SFMBT2: variants seen among roughly 807,000 people sequenced by gnomAD.
The protein encoded by SFMBT2 is scm-like with four MBT domains protein 2.
A neutral mutation model predicts 110.1 loss-of-function variants in SFMBT2; 38 were observed. The ratio of observed to expected loss-of-function variants is 0.35; its 90% CI spans 0.27 to 0.45. The LOEUF is 0.45. Ranked by LOEUF, SFMBT2 falls within the 20% of genes least tolerant of loss-of-function variation. SFMBT2 has a pLI of 1.00. For missense variants in SFMBT2, 1,011 were observed against 1,094.9 expected (o/e 0.92, Z 1.08); for synonymous variants, 425 against 425.4 (o/e 1.00, Z 0.01).
chr10:7,271,204 C>T (rs2767701), intron 7 of SFMBT2, among the ~76,000 whole-genome samples: 4 of 146,166 alleles, frequency 2.7e-5, no homozygotes, highest in Non-Finnish European at 5.9e-5. Flanking sequence ...AGGAGAATCT[C>T]TTGAACCCAG....
intron 11 of SFMBT2, among the ~76,000 whole-genome samples, chr10:7,217,486 C>T (rs914112640): frequency 6.6e-6 from 1 of 152,032 alleles, no homozygotes; most frequent in Admixed American, 6.5e-5. Flanking sequence ...AAGTGGCGCG[C>T]ATGTATATAT....
chr10:7,160,863 CAGA>C lies in SFMBT2; in HGVS notation c.*2904_*2906del, dbSNP rs1446792757. 6.6e-6 allele frequency: 1 copy of C among 152,286 alleles called. No individual in the cohort carries two copies. The highest frequency in any genetic ancestry group is 1.9e-4 in the East Asian group (1 of 5,198). The allele number at this position is 152,286 out of a possible 1,614,324, so 9.4% of individuals were successfully genotyped here. A position where few individuals can be genotyped will look rare whatever the true frequency, so the allele number is the denominator to read the frequency against. On this transcript the variant is annotated 3_prime_UTR_variant, in exon 21 of 21. Coordinates refer to ENST00000397167, the MANE Select transcript of SFMBT2 (RefSeq NM_001387889.1). ...CGGAAATCCCCGGAGAATCCAGGCT[CAGA>C]AGGACACTGGCAACAGCTGGAGGAA...
chr10:7,343,777 T>C (rs1844007027), intron 4 of SFMBT2, among the ~76,000 whole-genome samples: 1 of 152,154 alleles, frequency 6.6e-6, no homozygotes, highest in South Asian at 2.1e-4. Context: ...TGGAATAAGG[T>C]GATGGTTCTA....
intron 9 of SFMBT2, among the ~76,000 whole-genome samples, chr10:7,231,405 G>A (rs979491237): frequency 6.6e-6 from 1 of 152,216 alleles, no homozygotes; most frequent in Non-Finnish European, 1.5e-5. Flanking sequence ...TTCTGACACA[G>A]CCTGGCATGT....
intron 4 of SFMBT2, among the ~76,000 whole-genome samples, chr10:7,295,934 T>C (rs900370678): frequency 2.0e-5 from 3 of 152,210 alleles, no homozygotes; most frequent in Admixed American, 6.5e-5. Context: ...ACGCTTTCTC[T>C]GAAGTTCCCA....
chr10:7,272,423 C>T (rs1363689287), intron 7 of SFMBT2, among the ~76,000 whole-genome samples: 2 of 152,194 alleles, frequency 1.3e-5, no homozygotes, highest in Non-Finnish European at 2.9e-5. Context: ...CCTACAGAAG[C>T]CTTGAAAGGC....
rs545304927 is a variant in SFMBT2 at position 7,230,315 on chromosome 10, G to A, written c.1121-2378C>T. Among the ~76,000 whole-genome samples the A allele has an allele frequency of 6.6e-5, 10 of 152,216 alleles. 1 individual carries two copies. The South Asian group carries it at 8.3e-4, about 13-fold the overall frequency. ...AAGATTTCTAGACAGGACCAGAGCC[G>A]ACTTTCTTCTGAACCTTTCTGAATA... On this transcript the variant is annotated intron_variant, in intron 9 of 20. Coordinates refer to ENST00000397167, the MANE Select transcript of SFMBT2 (RefSeq NM_001387889.1).
At chr10:7,288,860 C>CT (rs1468590717) in intron 4 of SFMBT2, among the ~76,000 whole-genome samples, 2 of 150,024 alleles carry the variant, frequency 1.3e-5, no homozygotes, top group African/African-American at 5.0e-5. Context: ...GAAACCCCCC[C>CT]CCCCATCTCC....
intron 10 of SFMBT2, among the ~76,000 whole-genome samples, chr10:7,222,096 C>A (rs1208719724): frequency 5.9e-5 from 9 of 152,184 alleles, no homozygotes; most frequent in Non-Finnish European, 1.3e-4. Flanking sequence ...TGTAAATGGA[C>A]TCAATATCTG....
chr10:7,197,486 A>T, intron 15 of SFMBT2, 62 bp downstream of exon 15: 1 of 1,578,940 alleles, frequency 6.3e-7, no homozygotes, highest in Non-Finnish European at 8.6e-7. Flanking sequence ...TCAGAAACTG[A>T]GCCCACAGCT....
In SFMBT2 at chr10:7,352,538, C is replaced by G. The variant is rs77437695; in HGVS notation, c.436+15111G>C. Reference sequence around the variant, plus strand: ...TCTTGCTATGTTGCCCAGGCTTAGACAGACACATTTTTAAACTCAAAAGAA... The same window carrying G: ...TCTTGCTATGTTGCCCAGGCTTAGAGAGACACATTTTTAAACTCAAAAGAA... On this transcript the variant is annotated intron_variant, in intron 4 of 20. Coordinates refer to ENST00000397167, the MANE Select transcript of SFMBT2 (RefSeq NM_001387889.1). Among the ~76,000 whole-genome samples the G allele has an allele frequency of 1.1e-4, 16 of 152,206 alleles. No individual in the cohort carries two copies. In the East Asian group the frequency reaches 3.1e-3, roughly 29 times the overall value.
At chr10:7,291,490 C>T (rs1019925320) in intron 4 of SFMBT2, among the ~76,000 whole-genome samples, 15 of 152,148 alleles carry the variant, frequency 9.9e-5, no homozygotes, top group African/African-American at 3.6e-4. Flanking sequence ...CCTCTCATTA[C>T]GGAATAGGGT....
At chr10:7,315,024 GAGAAAGAAAGAAAGAGAA>G (rs1278118282) in intron 4 of SFMBT2, among the ~76,000 whole-genome samples, 1 of 117,376 alleles carries the variant, frequency 8.5e-6, no homozygotes, top group African/African-American at 3.4e-5. Flanking sequence ...AGAAAAGAGA[GAGAAAGAAAGAAAGAGAA>G]AGAAAGAAAG....
chr10:7,222,919 G>A (rs1218686632), intron 10 of SFMBT2, among the ~76,000 whole-genome samples: 1 of 152,124 alleles, frequency 6.6e-6, no homozygotes, highest in Admixed American at 6.6e-5. Flanking sequence ...GCCTCCCTAA[G>A]TGCTGGGATT....
At chr10:7,387,443 A>G (rs1287543466) in intron 1 of SFMBT2, among the ~76,000 whole-genome samples, 1 of 152,178 alleles carries the variant, frequency 6.6e-6, no homozygotes, top group Non-Finnish European at 1.5e-5. Context: ...GCTAAAAGCA[A>G]GTCTGTCCGT....
chr10:7,211,082 G>A (rs1026259881), intron 11 of SFMBT2, among the ~76,000 whole-genome samples: 4 of 152,088 alleles, frequency 2.6e-5, no homozygotes, highest in African/African-American at 7.2e-5. Flanking sequence ...GAAATCCAGC[G>A]GCCGGCAAGT....
rs953092627 is a variant in SFMBT2 at position 7,158,958 on chromosome 10, A to T, written c.*4812T>A. The T allele has an allele frequency of 6.6e-6, 1 of 152,190 alleles. No individual in the cohort carries two copies. Among genetic ancestry groups the T allele is most frequent in the Non-Finnish European group, 1.5e-5 (1 of 68,028 alleles). The allele number at this position is 152,190 out of a possible 1,614,324, so 9.4% of individuals were successfully genotyped here. A position where few individuals can be genotyped will look rare whatever the true frequency, so the allele number is the denominator to read the frequency against. The stretch of plus-strand genomic sequence containing the variant: ...GACGAGGGATAGTTGATGCTTCCAG[A>T]GATCATGCTGGCTCCTGTTTCAAGC... On this transcript the variant is annotated 3_prime_UTR_variant, in exon 21 of 21. Coordinates refer to ENST00000397167, the MANE Select transcript of SFMBT2 (RefSeq NM_001387889.1).
At chr10:7,333,442 G>C (rs1371019476) in intron 4 of SFMBT2, among the ~76,000 whole-genome samples, 2 of 150,700 alleles carry the variant, frequency 1.3e-5, no homozygotes, top group African/African-American at 2.4e-5. Flanking sequence ...ACCCAGGCTG[G>C]AGTGCAGTGG....
intron 11 of SFMBT2, among the ~76,000 whole-genome samples, chr10:7,215,203 C>T (rs1839493427): frequency 6.6e-6 from 1 of 152,146 alleles, no homozygotes; most frequent in Non-Finnish European, 1.5e-5. Context: ...GAGTTTGAGA[C>T]CACCCTGGGC....
Sources: gnomAD v4.1 joint callset for allele counts (sites outside exome capture counted in the v4.1 genomes callset) on GRCh38, gnomAD v4.1.1 for gene constraint, MANE v1.5 for transcripts, NCBI Gene and HGNC (gene_info 2026-07-23, HGNC 2026-07-21) for gene names.